Variants in BICD1 observed in about 807,000 individuals in gnomAD.
BICD1 encodes the protein BICD cargo adaptor 1, also known as protein bicaudal D homolog 1.
A neutral mutation model predicts 92.5 loss-of-function variants in BICD1; 35 were observed. That is an observed-to-expected ratio of 0.38 (90% CI 0.29 to 0.50). The LOEUF is 0.50. BICD1 is among the 20% of genes least tolerant of loss of function. The probability of loss-of-function intolerance (pLI) is 0.93; values close to 1 mark genes in which losing one functional copy is unlikely to be tolerated. For synonymous variants in BICD1, 429 were observed against 465.1 expected, an observed-to-expected ratio of 0.92 and a Z score of 1.00; for missense variants, 950 against 1,189.8, an observed-to-expected ratio of 0.80 and a Z score of 2.97.
chr12:32,113,053 T>G lies in BICD1; in HGVS notation c.213+5509T>G, dbSNP rs530750071. On this transcript the variant is annotated intron_variant, in intron 1 of 9. Transcript: ENST00000652176. The stretch of plus-strand genomic sequence containing the variant: ...ATGAAACTTGGAAGAAGCCCACTTT[T>G]TTTTCACTGCATCATACTACCTTGA... Among the ~76,000 whole-genome samples, 24 of 152,298 alleles carry G rather than the reference T, an allele frequency of 1.6e-4. 1 individual carries two copies. The South Asian group carries it at 5.0e-3, about 32-fold the overall frequency.
intron 4 of BICD1, among the ~76,000 whole-genome samples, chr12:32,306,353 C>T (rs543091004): frequency 7.9e-5 from 12 of 152,210 alleles, no homozygotes; most frequent in African/African-American, 2.6e-4. Flanking sequence ...AAGTGATTCT[C>T]CTGCCTCAGC....
rs115881099 is a variant in BICD1 at position 32,189,989 on chromosome 12, G to T, written c.214-26258G>T. ...GCTGGGATTACAGGCGTGAGCCACC[G>T]CACCTGGCAAGTGTAGAATTTTTGT... On this transcript the variant is annotated intron_variant, in intron 1 of 9. Transcript: ENST00000652176. Among the ~76,000 whole-genome samples the T allele has an allele frequency of 4.3e-3, 658 of 152,218 alleles. 3 individuals are homozygous for T. Among genetic ancestry groups the T allele is most frequent in the African/African-American group, 0.015 (627 of 41,528 alleles).
At chr12:32,345,524 A>G (rs1231858239) in intron 8 of BICD1, among the ~76,000 whole-genome samples, 1 of 152,138 alleles carries the variant, frequency 6.6e-6, no homozygotes, top group African/African-American at 2.4e-5. Context: ...ATATAAAAAC[A>G]TATGCATTTT....
intron 1 of BICD1, among the ~76,000 whole-genome samples, chr12:32,138,702 G>A (rs1257075476): frequency 6.6e-6 from 1 of 152,114 alleles, no homozygotes; most frequent in Non-Finnish European, 1.5e-5. Flanking sequence ...TTTTGAGCAT[G>A]TTTAAGGTAG....
At chr12:32,255,569 T>G (rs1946694997) in intron 2 of BICD1, among the ~76,000 whole-genome samples, 1 of 152,254 alleles carries the variant, frequency 6.6e-6, no homozygotes. Context: ...GCATGGAACT[T>G]GGAGAAACCA....
At chr12:32,376,974 C>T (rs749904466) in intron 9 of BICD1, among the ~76,000 whole-genome samples, 2 of 151,750 alleles carry the variant, frequency 1.3e-5, no homozygotes, top group Admixed American at 1.3e-4. Flanking sequence ...CAGGCAAATT[C>T]TTTATCCTAG....
At chr12:32,217,096 A>G (rs1185525602) in intron 2 of BICD1, among the ~76,000 whole-genome samples, 1 of 152,232 alleles carries the variant, frequency 6.6e-6, no homozygotes, top group Non-Finnish European at 1.5e-5. Context: ...TGGCAGAGTC[A>G]TCCTTTAGTG....
intron 2 of BICD1, among the ~76,000 whole-genome samples, chr12:32,274,900 T>A (rs1039612190): frequency 2.6e-5 from 4 of 152,220 alleles, no homozygotes; most frequent in Non-Finnish European, 4.4e-5. Flanking sequence ...GGACTAATAA[T>A]GGTGTCCAAC....
chr12:32,153,579 A>C (rs541154102), intron 1 of BICD1, among the ~76,000 whole-genome samples: 29 of 152,094 alleles, frequency 1.9e-4, no homozygotes, highest in Non-Finnish European at 3.5e-4. Context: ...CAACATGGCG[A>C]AAGTTCATCT....
At chr12:32,137,179 C>T (rs1005534618) in intron 1 of BICD1, among the ~76,000 whole-genome samples, 1 of 152,162 alleles carries the variant, frequency 6.6e-6, no homozygotes, top group Non-Finnish European at 1.5e-5. Context: ...GCCTACACTG[C>T]CTGGGTTCAA....
intron 8 of BICD1, among the ~76,000 whole-genome samples, chr12:32,363,135 C>T (rs1177059541): frequency 6.6e-6 from 1 of 152,152 alleles, no homozygotes; most frequent in Non-Finnish European, 1.5e-5. Flanking sequence ...TCTATCTTCC[C>T]TTCTACGTGA....
chr12:32,291,893 T>C (rs1038718680), intron 2 of BICD1, among the ~76,000 whole-genome samples: 5 of 152,044 alleles, frequency 3.3e-5, no homozygotes, highest in African/African-American at 1.2e-4. Context: ...TGAAAGCATA[T>C]GTCGGAAAGT....
chr12:32,180,949 T>A (rs1774922931), intron 1 of BICD1, among the ~76,000 whole-genome samples: 1 of 151,922 alleles, frequency 6.6e-6, no homozygotes, highest in East Asian at 1.9e-4. Flanking sequence ...TTTTTTTTTT[T>A]AATTTTATTG....
rs1250246503 is a variant in BICD1 at position 32,126,783 on chromosome 12, C to G, written c.213+19239C>G. Among the ~76,000 whole-genome samples, 4 of 151,850 alleles carry G rather than the reference C, an allele frequency of 2.6e-5. 1 individual carries two copies. The highest frequency in any genetic ancestry group is 7.3e-5 in the African/African-American group (3 of 41,366). On this transcript the variant is annotated intron_variant, in intron 1 of 9. Coordinates refer to ENST00000652176, the MANE Select transcript of BICD1 (RefSeq NM_001714.4). The stretch of plus-strand genomic sequence containing the variant: ...TTTAAAAAAAAAGAAAAAGACCCTG[C>G]AGAAATTAAAATTGTAAAAATATAA...
intron 1 of BICD1, among the ~76,000 whole-genome samples, chr12:32,142,996 T>C (rs1177509723): frequency 6.6e-6 from 1 of 152,244 alleles, no homozygotes; most frequent in Non-Finnish European, 1.5e-5. Flanking sequence ...CCTATTCCCC[T>C]ATCCTGCTTT....
chr12:32,293,547 C>G (rs1487666238), intron 2 of BICD1, among the ~76,000 whole-genome samples: 1 of 150,838 alleles, frequency 6.6e-6, no homozygotes, highest in Non-Finnish European at 1.5e-5. Flanking sequence ...CCAGGTTGGT[C>G]TCAAACTCCT....
chr12:32,261,196 C>A (rs1193384932), intron 2 of BICD1, among the ~76,000 whole-genome samples: 1 of 151,932 alleles, frequency 6.6e-6, no homozygotes, highest in Non-Finnish European at 1.5e-5. Flanking sequence ...TTATGGATGA[C>A]CCATGTGCCA....
chr12:32,215,953 C>CAAAAA (rs56005523), intron 1 of BICD1, among the ~76,000 whole-genome samples: 3,369 of 67,248 alleles, frequency 0.05, 277 homozygotes, highest in African/African-American at 0.073. Flanking sequence ...GACTCCGTCT[C>CAAAAA]AAAAAAAAAA....
intron 1 of BICD1, among the ~76,000 whole-genome samples, chr12:32,203,409 G>A (rs1944962745): frequency 6.6e-6 from 1 of 152,124 alleles, no homozygotes; most frequent in Admixed American, 6.5e-5. Flanking sequence ...CCACACACTG[G>A]GAGAAAATAT....
Sources: gnomAD v4.1 joint callset for allele counts (sites outside exome capture counted in the v4.1 genomes callset) on GRCh38, gnomAD v4.1.1 for gene constraint, MANE v1.5 for transcripts, NCBI Gene and HGNC (gene_info 2026-07-23, HGNC 2026-07-21) for gene names.